MALRD1: variants seen among roughly 807,000 people sequenced by gnomAD.
The protein encoded by MALRD1 is MAM and LDL-receptor class A domain-containing protein 1.
MALRD1 carries 247 observed loss-of-function variants against 242.1 expected under a neutral mutation model. The ratio of observed to expected loss-of-function variants is 1.02; its 90% CI spans 0.92 to 1.13. MALRD1 has a LOEUF of 1.13. MALRD1 is among the 50% of genes most tolerant of loss of function. MALRD1 has a pLI of 0.00. For synonymous variants in MALRD1, 995 were observed against 866.6 expected (o/e 1.15, Z -2.60); for missense variants, 2,989 against 2,533.1 (o/e 1.18, Z -3.86).
chr10:19,551,603 C>A (rs976114217), intron 32 of MALRD1, among the ~76,000 whole-genome samples: 1 of 152,098 alleles, frequency 6.6e-6, no homozygotes, highest in Non-Finnish European at 1.5e-5. Flanking sequence ...ATTTCTTTAT[C>A]TTTCCCAATT....
At chr10:19,335,686 T>C (rs1843575395) in intron 24 of MALRD1, among the ~76,000 whole-genome samples, 1 of 152,074 alleles carries the variant, frequency 6.6e-6, no homozygotes, top group South Asian at 2.1e-4. Context: ...TGAACACATA[T>C]CACAACTCTG....
intron 21 of MALRD1, among the ~76,000 whole-genome samples, chr10:19,318,605 C>T (rs535188628): frequency 9.3e-5 from 14 of 151,254 alleles, no homozygotes; most frequent in Admixed American, 6.6e-4. Context: ...TTTATCATTT[C>T]TAGAATTGTG....
At chr10:19,189,970 T>A (rs1317810603) in intron 14 of MALRD1, among the ~76,000 whole-genome samples, 1 of 151,938 alleles carries the variant, frequency 6.6e-6, no homozygotes, top group East Asian at 1.9e-4. Context: ...AAGCAATTAA[T>A]TTAAAACATA....
chr10:19,340,306 A>G (rs926500662), intron 24 of MALRD1, among the ~76,000 whole-genome samples: 3 of 151,978 alleles, frequency 2.0e-5, no homozygotes, highest in Admixed American at 6.6e-5. Flanking sequence ...TAAAATGTAA[A>G]ATTAATTTAT....
intron 1 of MALRD1, among the ~76,000 whole-genome samples, chr10:19,055,537 G>C (rs891199160): frequency 6.6e-6 from 1 of 152,044 alleles, no homozygotes; most frequent in Non-Finnish European, 1.5e-5. Context: ...TATAGTTTAA[G>C]GTCTTATATT....
intron 8 of MALRD1, among the ~76,000 whole-genome samples, chr10:19,132,306 A>G (rs572192378): frequency 5.3e-5 from 8 of 152,222 alleles, no homozygotes; most frequent in Non-Finnish European, 1.2e-4. Flanking sequence ...AAGAAAAATT[A>G]GTTGCTTGTC....
intron 24 of MALRD1, 56 bp downstream of exon 24, chr10:19,331,638 C>T (rs923487196): frequency 1.3e-5 from 17 of 1,345,156 alleles, no homozygotes; most frequent in Non-Finnish European, 1.8e-5. Flanking sequence ...CAGCCTTACT[C>T]AATATCTGTG....
At chr10:19,314,789 A>C (rs1842571300) in intron 21 of MALRD1, among the ~76,000 whole-genome samples, 1 of 151,398 alleles carries the variant, frequency 6.6e-6, no homozygotes. Context: ...TCAAAGTCTG[A>C]AATATTTTCT....
chr10:19,733,536 T>G (rs1835377073), intron 39 of MALRD1, among the ~76,000 whole-genome samples: 1 of 152,046 alleles, frequency 6.6e-6, no homozygotes, highest in Non-Finnish European at 1.5e-5. Flanking sequence ...TTTTGTGTTG[T>G]TGCTATATTT....
At chr10:19,376,597 C>G (rs549727865) in intron 26 of MALRD1, among the ~76,000 whole-genome samples, 7 of 140,072 alleles carry the variant, frequency 5.0e-5, no homozygotes, top group Non-Finnish European at 7.6e-5. Context: ...CTCCTATTGC[C>G]CAGGCTGGAG....
chr10:19,645,042 CATT>C (rs777856867), intron 36 of MALRD1, among the ~76,000 whole-genome samples: 5 of 152,128 alleles, frequency 3.3e-5, no homozygotes, highest in Non-Finnish European at 5.9e-5. Flanking sequence ...AATTCAAAGA[CATT>C]ATCAGATCAT....
chr10:19,317,283 G>A (rs1842746039), intron 21 of MALRD1, among the ~76,000 whole-genome samples: 1 of 151,794 alleles, frequency 6.6e-6, no homozygotes, highest in Admixed American at 6.6e-5. Flanking sequence ...TTTTCCCATG[G>A]TGGAAAAGCT....
At chr10:19,088,209 T>A in intron 4 of MALRD1, 24 bp downstream of exon 4, 1 of 1,232,150 alleles carries the variant, frequency 8.1e-7, no homozygotes, top group Non-Finnish European at 1.0e-6. Flanking sequence ...ATTTTCTAAC[T>A]ATGGCCTTGA....
chr10:19,581,530 C>G (rs1480556325), intron 33 of MALRD1, among the ~76,000 whole-genome samples: 1 of 151,164 alleles, frequency 6.6e-6, no homozygotes, highest in African/African-American at 2.4e-5. Context: ...TCATCCATGT[C>G]CCTACAAAGG....
At chr10:19,523,080 G>T (rs564832732) in intron 31 of MALRD1, among the ~76,000 whole-genome samples, 112 of 152,088 alleles carry the variant, frequency 7.4e-4, no homozygotes, top group Non-Finnish European at 1.3e-3. Context: ...ACATGTAGTA[G>T]ATCATTTAAT....
chr10:19,460,054 A>T (rs185983178), intron 29 of MALRD1, among the ~76,000 whole-genome samples: 2 of 152,194 alleles, frequency 1.3e-5, no homozygotes, highest in East Asian at 3.9e-4. Flanking sequence ...CAGTAGGACC[A>T]TTGCATAGAG....
In MALRD1 at chr10:19,204,902, T is replaced by C; in HGVS notation, c.2215T>C (p.Tyr739His). The part of the protein sequence containing the change: ...GPGCILSFWF[Y>H]NYGLSVGAAE... ...CTTACGTTTACTCTTTTTTAGGTTC[T>C]ATAACTATGGCCTGTCAGTGGGAGC... The change falls in exon 17 of 40, where the codon TAT becomes CAT. Residue 739 changes from tyrosine to histidine, a missense_variant. Coordinates refer to ENST00000454679, the MANE Select transcript of MALRD1 (RefSeq NM_001142308.3). 4 of 1,544,864 alleles carry C rather than the reference T, an allele frequency of 2.6e-6. No homozygotes were observed. The highest frequency in any genetic ancestry group is 3.5e-6 in the Non-Finnish European group (4 of 1,143,140).
At chr10:19,477,627 G>T (rs145997055) in intron 29 of MALRD1, among the ~76,000 whole-genome samples, 1 of 152,052 alleles carries the variant, frequency 6.6e-6, no homozygotes, top group African/African-American at 2.4e-5. Flanking sequence ...TTTAATAGGC[G>T]AAAGAAGGAG....
intron 5 of MALRD1, among the ~76,000 whole-genome samples, chr10:19,120,062 A>G (rs780280257): frequency 3.3e-5 from 5 of 152,148 alleles, no homozygotes; most frequent in Non-Finnish European, 5.9e-5. Context: ...GGCCTGAGGT[A>G]TAATTTTATG....
Sources: gnomAD v4.1 joint callset for allele counts (sites outside exome capture counted in the v4.1 genomes callset) on GRCh38, gnomAD v4.1.1 for gene constraint, MANE v1.5 for transcripts, NCBI Gene and HGNC (gene_info 2026-07-23, HGNC 2026-07-21) for gene names.